The following SHISAL1 variants were observed in gnomAD, a reference collection of about 807,000 sequenced individuals.
The protein encoded by SHISAL1 is protein shisa-like-1.
SHISAL1 carries 9 observed loss-of-function variants against 22.6 expected under a neutral mutation model. The ratio of observed to expected loss-of-function variants is 0.40; its 90% CI spans 0.24 to 0.70. The LOEUF (loss-of-function observed/expected upper bound fraction) is 0.70. Among genes scored for constraint, SHISAL1 ranks in the 30% least tolerant of loss-of-function variants. SHISAL1 has a pLI of 0.39. For synonymous variants in SHISAL1, 119 were observed against 115.4 expected (o/e 1.03, Z -0.20); for missense variants, 246 against 270.6 (o/e 0.91, Z 0.64).
Position 44,249,481 on chromosome 22 carries a change from T to C in SHISAL1, c.*204A>G. 12 of 345,858 alleles carry C rather than the reference T, an allele frequency of 3.5e-5. No homozygotes were observed. The highest frequency in any genetic ancestry group is 7.1e-5 in the East Asian group (1 of 14,070). The allele number at this position is 345,858 out of a possible 1,614,324, so 21.4% of individuals were successfully genotyped here. A position where few individuals can be genotyped will look rare whatever the true frequency, so the allele number is the denominator to read the frequency against. On this transcript the variant is annotated 3_prime_UTR_variant, in exon 5 of 5. Coordinates refer to ENST00000381176, the MANE Select transcript of SHISAL1 (RefSeq NM_001099294.2). The stretch of plus-strand genomic sequence containing the variant: ...ACAGGTGGCTCAGAATCCCCTCCCC[T>C]GCACCCCCAGCCCCTACCCCTGAGT...
chr22:44,315,190 G>C (rs2055550386), upstream of SHISAL1, among the ~76,000 whole-genome samples: 1 of 152,178 alleles, frequency 6.6e-6, no homozygotes, highest in African/African-American at 2.4e-5. Context: ...GAAGCAGGCA[G>C]AGACATGGGC....
At chr22:44,280,845 C>A (rs555359904) in intron 4 of SHISAL1, among the ~76,000 whole-genome samples, 1 of 152,126 alleles carries the variant, frequency 6.6e-6, no homozygotes, top group Non-Finnish European at 1.5e-5. Flanking sequence ...GCAGGTTGTG[C>A]GGCACTGGCG....
At chr22:44,319,581 C>T in the SHISAL1 span, among the ~76,000 whole-genome samples, 11 of 152,248 alleles carry the variant, frequency 7.2e-5, no homozygotes, top group Non-Finnish European at 1.6e-4. Context: ...CCCACACTCA[C>T]GATGTCCCGG....
intron 4 of SHISAL1, among the ~76,000 whole-genome samples, chr22:44,256,138 GGCCCTT>G (rs575818072): frequency 6.7e-6 from 1 of 148,228 alleles, no homozygotes; most frequent in Non-Finnish European, 1.5e-5. Context: ...CTGGGTCTCA[GGCCCTT>G]GACTCATAGT....
intron 2 of SHISAL1, among the ~76,000 whole-genome samples, chr22:44,300,136 GAGAC>G (rs1292137009): frequency 2.6e-5 from 4 of 151,518 alleles, no homozygotes; most frequent in Non-Finnish European, 4.4e-5. Flanking sequence ...GAGAGACAGA[GAGAC>G]AGAAACAGAG....
At chr22:44,279,996 T>C (rs1569215989) in intron 4 of SHISAL1, among the ~76,000 whole-genome samples, 3 of 152,142 alleles carry the variant, frequency 2.0e-5, no homozygotes, top group South Asian at 4.1e-4. Flanking sequence ...AATTTTTCCC[T>C]GAACTCTGAC....
Position 44,249,540 on chromosome 22 carries a change from C to A in SHISAL1, c.*145G>T, listed in dbSNP as rs1278782268. ...AATCTTAGAAGTCCGCGGAAGGGGG[C>A]TTTGGGCACAGGCAGCATTTCCTCC... On this transcript the variant is annotated 3_prime_UTR_variant, in exon 5 of 5. Coordinates refer to ENST00000381176, the MANE Select transcript of SHISAL1 (RefSeq NM_001099294.2). 3 of 629,410 alleles carry A rather than the reference C, an allele frequency of 4.8e-6. No individual in the cohort carries two copies. Among genetic ancestry groups the A allele is most frequent in the Non-Finnish European group, 8.9e-6 (3 of 338,380 alleles). 39.0% of individuals were successfully genotyped at this position (629,410 alleles called of 1,614,324 possible). A position where few individuals can be genotyped will look rare whatever the true frequency, so the allele number is the denominator to read the frequency against.
intron 4 of SHISAL1, among the ~76,000 whole-genome samples, chr22:44,273,705 C>G (rs1006774814): frequency 4.6e-5 from 7 of 152,142 alleles, no homozygotes; most frequent in Admixed American, 1.3e-4. Flanking sequence ...GACTTGATTT[C>G]AAGTCAATTA....
intron 4 of SHISAL1, among the ~76,000 whole-genome samples, chr22:44,260,411 G>A (rs1243914892): frequency 1.3e-5 from 2 of 152,248 alleles, no homozygotes; most frequent in African/African-American, 4.8e-5. Flanking sequence ...AGGACCTGGT[G>A]ACAATTCAGT....
chr22:44,300,918 T>G lies in SHISAL1; in HGVS notation c.28A>C (p.Asn10His). 6.2e-7 allele frequency: 1 copy of G among 1,614,114 alleles called. No homozygotes were observed. Among genetic ancestry groups the G allele is most frequent in the Non-Finnish European group, 8.5e-7 (1 of 1,180,022 alleles). The stretch of plus-strand genomic sequence containing the variant: ...AATGAGAAGAGGACGGCGAGCACGT[T>G]CAAGGACTGCTGGCCACAACTGGTC... MTSCGQQSL[N>H]VLAVLFSLLF... Residue 10 changes from asparagine to histidine, a missense_variant, in exon 2 of 5, where the codon AAC becomes CAC. This residue lies in a region of SHISAL1 where 110 missense variants were observed against 153.1 expected (regional missense o/e 0.72). Coordinates refer to ENST00000381176, the MANE Select transcript of SHISAL1 (RefSeq NM_001099294.2).
At chr22:44,268,779 G>T (rs955755089) in intron 4 of SHISAL1, among the ~76,000 whole-genome samples, 2 of 152,178 alleles carry the variant, frequency 1.3e-5, no homozygotes, top group Non-Finnish European at 2.9e-5. Flanking sequence ...GTGAATGGGT[G>T]TGGGTAAGCA....
At chr22:44,284,687 T>A (rs2055299032) in intron 4 of SHISAL1, among the ~76,000 whole-genome samples, 1 of 152,150 alleles carries the variant, frequency 6.6e-6, no homozygotes, top group African/African-American at 2.4e-5. Context: ...CCCAGGGAGT[T>A]CCTGCTCCAA....
upstream of SHISAL1, among the ~76,000 whole-genome samples, chr22:44,313,370 G>A (rs973584473): frequency 3.9e-5 from 6 of 152,168 alleles, no homozygotes; most frequent in African/African-American, 1.4e-4. Context: ...TAAAACAAAC[G>A]GTCCCCACAC....
intron 4 of SHISAL1, among the ~76,000 whole-genome samples, chr22:44,272,611 G>T (rs1445365352): frequency 6.6e-6 from 1 of 152,208 alleles, no homozygotes; most frequent in Non-Finnish European, 1.5e-5. Flanking sequence ...GTTTCCTTGG[G>T]GGGGACTAAA....
At chr22:44,262,212 G>A (rs565042868) in intron 4 of SHISAL1, among the ~76,000 whole-genome samples, 2 of 152,354 alleles carry the variant, frequency 1.3e-5, no homozygotes, top group East Asian at 1.9e-4. Context: ...GGACGACAGG[G>A]AGGGCACTCC....
At chr22:44,319,875 C>T in the SHISAL1 span, among the ~76,000 whole-genome samples, 1 of 151,772 alleles carries the variant, frequency 6.6e-6, no homozygotes, top group East Asian at 1.9e-4. Flanking sequence ...GTGTGGGAGG[C>T]CCCTAAATGT....
chr22:44,296,605 T>G, intron 3 of SHISAL1, 67 bp downstream of exon 3: 1 of 1,469,370 alleles, frequency 6.8e-7, no homozygotes, highest in Non-Finnish European at 9.5e-7. Context: ...GGGGACGCGA[T>G]TTTGGGAGGC....
At chr22:44,302,629 C>T (rs1258608499) in intron 1 of SHISAL1, among the ~76,000 whole-genome samples, 1 of 151,620 alleles carries the variant, frequency 6.6e-6, no homozygotes, top group Non-Finnish European at 1.5e-5. Flanking sequence ...GGGCAAAGGC[C>T]CTGGGGTGGG....
In SHISAL1 at chr22:44,285,542, G is replaced by A; in HGVS notation, c.485C>T (p.Ala162Val). Residue 162 changes from alanine to valine, a missense_variant, in exon 4 of 5, where the codon GCC (alanine) becomes GTC (valine). Transcript: ENST00000381176. ...PARAPRPGQR[A>V]PQPQPPPGPL... Reference sequence around the variant, plus strand: ...GCCTGGGGGAGGCTGCGGCTGTGGGGCCCGCTGACCCGGCCGAGGGGCCCG... The same window carrying A: ...GCCTGGGGGAGGCTGCGGCTGTGGGACCCGCTGACCCGGCCGAGGGGCCCG... 2 of 1,538,548 alleles carry A rather than the reference G, an allele frequency of 1.3e-6. No individual in the cohort carries two copies. Among genetic ancestry groups the A allele is most frequent in the South Asian group, 1.1e-5 (1 of 90,296 alleles).
Sources: allele counts gnomAD v4.1 joint callset (sites outside exome capture counted in the v4.1 genomes callset), GRCh38; gene constraint gnomAD v4.1.1; regional missense constraint gnomAD v4.1.1; transcripts MANE v1.5; gene names NCBI Gene and HGNC (gene_info 2026-07-23, HGNC 2026-07-21).